The following PIP5K1B variants were observed in gnomAD, a reference collection of about 807,000 sequenced individuals.
PIP5K1B encodes the protein phosphatidylinositol 4-phosphate 5-kinase type-1 beta.
Under a neutral mutation model 67.0 loss-of-function variants are expected in PIP5K1B, and 42 were observed. The observed-to-expected ratio is 0.63, with a 90% CI of 0.49 to 0.81. The LOEUF is 0.81. Ranked by LOEUF, PIP5K1B falls within the 30% of genes least tolerant of loss-of-function variation. The pLI, the probability that PIP5K1B is intolerant of heterozygous loss-of-function variation, is 0.00. For synonymous variants in PIP5K1B, 214 were observed against 231.4 expected (o/e 0.92, Z 0.68); for missense variants, 459 against 646.3 (o/e 0.71, Z 3.14).
At chr9:68,862,704 A>T (rs1823153756) in intron 4 of PIP5K1B, among the ~76,000 whole-genome samples, 1 of 152,028 alleles carries the variant, frequency 6.6e-6, no homozygotes, top group Non-Finnish European at 1.5e-5. Context: ...AGGCATGAGA[A>T]TTGCTTGAAC....
intron 4 of PIP5K1B, among the ~76,000 whole-genome samples, chr9:68,826,826 A>G (rs1209254892): frequency 1.3e-5 from 2 of 152,154 alleles, no homozygotes; most frequent in African/African-American, 4.8e-5. Context: ...ATCTTGGCTC[A>G]CTGCAACCTC....
chr9:68,875,326 A>AAAAAAG (rs1823833916), intron 5 of PIP5K1B, among the ~76,000 whole-genome samples: 1 of 116,390 alleles, frequency 8.6e-6, no homozygotes, highest in Non-Finnish European at 1.8e-5. Context: ...AAAAAAAAAA[A>AAAAAAG]CAGTCATCTG....
intron 14 of PIP5K1B, among the ~76,000 whole-genome samples, chr9:68,952,141 T>A (rs934940191): frequency 1.3e-5 from 2 of 152,252 alleles, no homozygotes; most frequent in Non-Finnish European, 2.9e-5. Flanking sequence ...TGTTTCAGTT[T>A]CCTTTCCTGT....
intron 2 of PIP5K1B, among the ~76,000 whole-genome samples, chr9:68,794,259 A>G (rs1832161879): frequency 6.6e-6 from 1 of 152,238 alleles, no homozygotes; most frequent in Non-Finnish European, 1.5e-5. Context: ...GAGGTGAAAA[A>G]GGAACTGAAG....
chr9:68,913,528 C>T (rs922022577), intron 8 of PIP5K1B, among the ~76,000 whole-genome samples: 3 of 152,222 alleles, frequency 2.0e-5, no homozygotes, highest in Admixed American at 1.3e-4. Context: ...CTTAAAAGTA[C>T]GTGACTAAAA....
intron 2 of PIP5K1B, among the ~76,000 whole-genome samples, chr9:68,757,017 G>T (rs965024656): frequency 6.6e-5 from 10 of 152,046 alleles, no homozygotes; most frequent in African/African-American, 2.4e-4. Flanking sequence ...AGACACGCAG[G>T]TTTCATTAGA....
chr9:68,940,534 T>A, intron 13 of PIP5K1B, 112 bp from the exon 14 acceptor site: 1 of 1,004,202 alleles, frequency 1.0e-6, no homozygotes, highest in South Asian at 2.0e-5. Flanking sequence ...CATAATTGAA[T>A]TTGCAGCCTG....
intron 15 of PIP5K1B, among the ~76,000 whole-genome samples, chr9:69,005,454 C>A (rs1831032147): frequency 1.3e-5 from 2 of 152,276 alleles, no homozygotes; most frequent in East Asian, 3.9e-4. Flanking sequence ...ATGGTGCGAT[C>A]TCAGCTCACC....
chr9:68,888,367 G>A (rs1564207833), intron 6 of PIP5K1B, among the ~76,000 whole-genome samples: 1 of 152,190 alleles, frequency 6.6e-6, no homozygotes, highest in African/African-American at 2.4e-5. Flanking sequence ...TTACCACAAA[G>A]GCACCATGTG....
chr9:68,916,229 T>G (rs1826085462), intron 8 of PIP5K1B, among the ~76,000 whole-genome samples: 1 of 152,124 alleles, frequency 6.6e-6, no homozygotes, highest in South Asian at 2.1e-4. Context: ...AAGTCTGTTG[T>G]AGGGGAGAAT....
At chr9:68,966,722 A>G (rs1829052732) in intron 14 of PIP5K1B, 2 of 152,244 alleles carry the variant, frequency 1.3e-5, no homozygotes, top group Non-Finnish European at 2.9e-5. Flanking sequence ...ATCTGGATAT[A>G]GTATGGAGGT....
chr9:68,816,651 T>C (rs1833462431), intron 2 of PIP5K1B, among the ~76,000 whole-genome samples: 1 of 152,184 alleles, frequency 6.6e-6, no homozygotes, highest in South Asian at 2.1e-4. Context: ...GAAAACTTAA[T>C]GTATGCTAAA....
chr9:68,992,839 C>CA (rs201517701), intron 15 of PIP5K1B, among the ~76,000 whole-genome samples: 721 of 57,484 alleles, frequency 0.013, 44 homozygotes, highest in African/African-American at 0.022. Flanking sequence ...GACCCTGTCT[C>CA]AAAAAAAAAA....
intron 2 of PIP5K1B, chr9:68,780,082 G>GCATCATCA: frequency 7.5e-7 from 1 of 1,334,332 alleles, no homozygotes; most frequent in South Asian, 2.4e-5. Flanking sequence ...CGGTGGCGGC[G>GCATCATCA]GCAGCGGCGG....
At chr9:68,870,253 A>G (rs1823565887) in intron 5 of PIP5K1B, among the ~76,000 whole-genome samples, 1 of 152,152 alleles carries the variant, frequency 6.6e-6, no homozygotes, top group Admixed American at 6.5e-5. Context: ...CCCGGAATGC[A>G]CTGTTTGGTT....
Position 68,876,660 on chromosome 9 carries a change from T to G in PIP5K1B, c.201-17T>G, listed in dbSNP as rs750286255. On this transcript the variant is annotated splice_polypyrimidine_tract_variant and intron_variant, in intron 5 of 15. Transcript: ENST00000265382. ...TGTGTTCTTTCTTTCTCTCTCTTTT[T>G]AATATTTTGACTTCAGCGAAGGGAG... The G allele has an allele frequency of 1.5e-6, 2 of 1,339,082 alleles. No individual in the cohort carries two copies. Among genetic ancestry groups the G allele is most frequent in the South Asian group, 2.4e-5 (2 of 85,040 alleles). 83.0% of individuals were successfully genotyped at this position (1,339,082 alleles called of 1,614,324 possible).
chr9:68,887,552 C>T (rs144321827), intron 6 of PIP5K1B, among the ~76,000 whole-genome samples: 190 of 152,246 alleles, frequency 1.2e-3, no homozygotes, highest in Middle Eastern at 3.4e-3. Context: ...TAAGTGAGAA[C>T]ATGCAATGTT....
chr9:68,990,499 AG>A (rs1830312795), intron 14 of PIP5K1B, among the ~76,000 whole-genome samples: 1 of 151,708 alleles, frequency 6.6e-6, no homozygotes, highest in African/African-American at 2.4e-5. Flanking sequence ...TGTAAATTGA[AG>A]CAGCAAGAAC....
At chr9:68,748,613 C>CTTTTTTTTTTTTTTTTTTT (rs58954806) in intron 2 of PIP5K1B, among the ~76,000 whole-genome samples, 4 of 98,302 alleles carry the variant, frequency 4.1e-5, no homozygotes, top group African/African-American at 3.8e-5. Flanking sequence ...GATTTCTTTT[C>CTTTTTTTTTTTTTTTTTTT]TTTTTTTTTT....
Sources: allele counts gnomAD v4.1 joint callset (sites outside exome capture counted in the v4.1 genomes callset), GRCh38; gene constraint gnomAD v4.1.1; transcripts MANE v1.5; gene names NCBI Gene and HGNC (gene_info 2026-07-23, HGNC 2026-07-21).